The following GPC5 variants were observed in gnomAD, a reference collection of about 807,000 sequenced individuals.
The protein encoded by GPC5 is glypican-5.
In GPC5, 47 loss-of-function variants were observed where a neutral mutation model predicts 53.9. The ratio of observed to expected loss-of-function variants is 0.87; its 90% confidence interval spans 0.69 to 1.11. The LOEUF is 1.11. Ranked by LOEUF, GPC5 falls within the 50% of genes most tolerant of loss-of-function variation. GPC5 has a pLI of 0.00. For missense variants in GPC5, 748 were observed against 713.1 expected (o/e 1.05, Z -0.56); for synonymous variants, 286 against 263.3 (o/e 1.09, Z -0.84).
At chr13:92,634,096 G>A (rs1885340996) in intron 7 of GPC5, among the ~76,000 whole-genome samples, 1 of 147,674 alleles carries the variant, frequency 6.8e-6, no homozygotes, top group African/African-American at 2.5e-5. Context: ...TTGTTGCCAT[G>A]AATCTCTCTT....
At chr13:92,785,304 C>G (rs1222043048) in intron 7 of GPC5, among the ~76,000 whole-genome samples, 1 of 151,988 alleles carries the variant, frequency 6.6e-6, no homozygotes, top group Non-Finnish European at 1.5e-5. Context: ...GGAGAAGAAA[C>G]CCTTTCTCAT....
chr13:91,503,814 A>ATC (rs1566457715), intron 2 of GPC5, among the ~76,000 whole-genome samples: 2 of 138,724 alleles, frequency 1.4e-5, no homozygotes, highest in African/African-American at 6.2e-5. Flanking sequence ...TAATAATAAT[A>ATC]ATAATCAGGC....
chr13:92,766,408 A>G (rs1459748376), intron 7 of GPC5, among the ~76,000 whole-genome samples: 3 of 152,148 alleles, frequency 2.0e-5, no homozygotes, highest in Non-Finnish European at 2.9e-5. Flanking sequence ...AAATACAGCC[A>G]AATAGTAATA....
chr13:91,896,730 C>T (rs1285604807), intron 5 of GPC5, among the ~76,000 whole-genome samples: 1 of 152,128 alleles, frequency 6.6e-6, no homozygotes, highest in African/African-American at 2.4e-5. Context: ...TTTTCCTATA[C>T]TGAGTCAGCC....
intron 6 of GPC5, among the ~76,000 whole-genome samples, chr13:91,937,720 A>G (rs2039884318): frequency 6.6e-6 from 1 of 152,118 alleles, no homozygotes; most frequent in Non-Finnish European, 1.5e-5. Flanking sequence ...TCTGAATTGT[A>G]TATAGGTTTA....
chr13:92,412,702 G>T (rs1015864690), intron 7 of GPC5, among the ~76,000 whole-genome samples: 14 of 152,112 alleles, frequency 9.2e-5, no homozygotes, highest in Admixed American at 5.2e-4. Context: ...GGTCCTTAAA[G>T]CTTGAATTAT....
chr13:92,055,039 T>C (rs2041063374), intron 6 of GPC5, among the ~76,000 whole-genome samples: 1 of 152,222 alleles, frequency 6.6e-6, no homozygotes, highest in Admixed American at 6.5e-5. Context: ...TTGATTTCTC[T>C]ATTGTTGTAT....
chr13:92,079,161 C>G (rs1339515799), intron 6 of GPC5, among the ~76,000 whole-genome samples: 1 of 152,154 alleles, frequency 6.6e-6, no homozygotes, highest in Non-Finnish European at 1.5e-5. Context: ...AAGCAATTCT[C>G]CTGCCTCAGT....
At chr13:91,890,088 T>C (rs1273920075) in intron 5 of GPC5, among the ~76,000 whole-genome samples, 1 of 152,142 alleles carries the variant, frequency 6.6e-6, no homozygotes, top group South Asian at 2.1e-4. Flanking sequence ...CACAATTGTT[T>C]TGACATAGTT....
chr13:92,160,442 G>A (rs146873749), intron 7 of GPC5, among the ~76,000 whole-genome samples: 7 of 152,300 alleles, frequency 4.6e-5, no homozygotes, highest in African/African-American at 1.7e-4. Flanking sequence ...ATATTCTACT[G>A]TGTAGGATAA....
chr13:91,580,721 A>C (rs2032329535), intron 2 of GPC5, among the ~76,000 whole-genome samples: 2 of 152,182 alleles, frequency 1.3e-5, no homozygotes, highest in Non-Finnish European at 2.9e-5. Context: ...CCACCTTCCT[A>C]TTCCTTGCCA....
At chr13:92,672,321 G>A (rs1886781071) in intron 7 of GPC5, among the ~76,000 whole-genome samples, 1 of 152,172 alleles carries the variant, frequency 6.6e-6, no homozygotes, top group African/African-American at 2.4e-5. Context: ...TACAAATCAA[G>A]ACCACAGTAA....
At chr13:91,498,031 C>A (rs1196541425) in intron 2 of GPC5, among the ~76,000 whole-genome samples, 3 of 151,960 alleles carry the variant, frequency 2.0e-5, no homozygotes, top group African/African-American at 7.3e-5. Flanking sequence ...CTTCTAATTG[C>A]ACCTAGAGTG....
rs554788629 is a variant in GPC5 at position 92,637,406 on chromosome 13, G to T, written c.1562-228876G>T. 6.6e-5 allele frequency among the ~76,000 whole-genome samples: 10 copies of T among 152,218 alleles called. No homozygotes were observed. In the South Asian group the frequency reaches 2.1e-3, roughly 32 times the overall value. ...GATCAACACAAGTATGTGAGGAAAC[G>T]ATCAAGGGCAGGGTACAAACCACTA... On this transcript the variant is annotated intron_variant, in intron 7 of 7. Transcript: ENST00000377067.
At chr13:92,455,644 C>G (rs1164127927) in intron 7 of GPC5, among the ~76,000 whole-genome samples, 1 of 152,010 alleles carries the variant, frequency 6.6e-6, no homozygotes, top group Admixed American at 6.6e-5. Context: ...TATGACAGCC[C>G]AAATTCTGAG....
At chr13:92,052,416 C>T (rs1014992024) in intron 6 of GPC5, among the ~76,000 whole-genome samples, 2 of 152,110 alleles carry the variant, frequency 1.3e-5, no homozygotes, top group African/African-American at 4.8e-5. Flanking sequence ...ACAAAGTGTC[C>T]ACAGCGTGGA....
chr13:91,944,006 T>C (rs903426312), intron 6 of GPC5, among the ~76,000 whole-genome samples: 24 of 151,982 alleles, frequency 1.6e-4, no homozygotes, highest in African/African-American at 5.6e-4. Flanking sequence ...GCAATTAAAT[T>C]AGACTCTATG....
At position 92,066,981 on chromosome 13, in the gene GPC5, C is replaced by A. The variant is rs531092705; in HGVS notation, c.1402-77849C>A. Among the ~76,000 whole-genome samples, 6 of 152,054 alleles carry A rather than the reference C, an allele frequency of 3.9e-5. No individual in the cohort carries two copies. In the South Asian group the frequency reaches 1.2e-3, roughly 32 times the overall value. On this transcript the variant is annotated intron_variant, in intron 6 of 7. Transcript: ENST00000377067. ...AACACTGAGCTAGGTAAGCTTTTTC[C>A]CCTAGCAATATTAAGGCTGTAGCCG...
At chr13:92,632,745 A>G (rs1209181628) in intron 7 of GPC5, among the ~76,000 whole-genome samples, 1 of 152,120 alleles carries the variant, frequency 6.6e-6, no homozygotes, top group Non-Finnish European at 1.5e-5. Flanking sequence ...TACAAAAGAA[A>G]GAGGTTTAAG....
Sources: gnomAD v4.1 joint callset for allele counts (sites outside exome capture counted in the v4.1 genomes callset) on GRCh38, gnomAD v4.1.1 for gene constraint, MANE v1.5 for transcripts, NCBI Gene and HGNC (gene_info 2026-07-23, HGNC 2026-07-21) for gene names.